Variants in ANXA3 observed in about 807,000 individuals in gnomAD.
The protein encoded by ANXA3 is annexin A3.
Under a neutral mutation model 48.8 loss-of-function variants are expected in ANXA3, and 46 were observed. The ratio of observed to expected loss-of-function variants is 0.94; its 90% CI spans 0.74 to 1.21. ANXA3 has a LOEUF of 1.21. Among genes scored for constraint, ANXA3 ranks in the 50% most tolerant of loss-of-function variants. The pLI, the probability that ANXA3 is intolerant of heterozygous loss-of-function variation, is 0.00. For synonymous variants in ANXA3, 128 were observed against 134.7 expected (o/e 0.95, Z 0.35); for missense variants, 383 against 378.6 (o/e 1.01, Z -0.10).
chr4:78,554,869 TA>T (rs749546940), intron 2 of ANXA3, among the ~76,000 whole-genome samples: 12 of 152,172 alleles, frequency 7.9e-5, no homozygotes, highest in African/African-American at 2.9e-4. Context: ...CTCCTTACAA[TA>T]AAATAACTTC....
chr4:78,592,266 G>A (rs1723313444), intron 7 of ANXA3, among the ~76,000 whole-genome samples: 1 of 152,200 alleles, frequency 6.6e-6, no homozygotes, highest in Non-Finnish European at 1.5e-5. Context: ...CTGTGTGTAA[G>A]AGAGAACGTG....
At chr4:78,555,353 C>T (rs1031143104) in intron 2 of ANXA3, among the ~76,000 whole-genome samples, 1 of 152,124 alleles carries the variant, frequency 6.6e-6, no homozygotes, top group Non-Finnish European at 1.5e-5. Flanking sequence ...ACTATGACAG[C>T]CAACAATCCC....
intron 2 of ANXA3, among the ~76,000 whole-genome samples, chr4:78,570,220 C>T (rs1257673063): frequency 6.6e-6 from 1 of 152,162 alleles, no homozygotes; most frequent in Non-Finnish European, 1.5e-5. Context: ...AGTTATTCCT[C>T]CCCCATTTAA....
intron 12 of ANXA3, 65 bp downstream of exon 12, chr4:78,604,464 T>A: frequency 1.5e-6 from 2 of 1,334,838 alleles, no homozygotes; most frequent in Non-Finnish European, 1.0e-6. Flanking sequence ...CTTACTCTTA[T>A]ATGCCTTAAA....
intron 7 of ANXA3, among the ~76,000 whole-genome samples, chr4:78,594,059 C>G (rs1723363837): frequency 6.6e-6 from 1 of 152,092 alleles, no homozygotes; most frequent in Non-Finnish European, 1.5e-5. Context: ...TCTGCCAGTT[C>G]ATACCTTCCT....
intron 2 of ANXA3, among the ~76,000 whole-genome samples, chr4:78,564,706 A>T (rs1293367210): frequency 6.6e-6 from 1 of 152,204 alleles, no homozygotes; most frequent in Non-Finnish European, 1.5e-5. Context: ...GCCAAAGAAG[A>T]TCTGTTAGAG....
intron 4 of ANXA3, among the ~76,000 whole-genome samples, chr4:78,580,757 T>C (rs1024705017): frequency 4.6e-5 from 7 of 152,246 alleles, no homozygotes; most frequent in Admixed American, 4.6e-4. Flanking sequence ...ATTTTATCTT[T>C]GAATATTTCT....
rs1051472186 is a variant in ANXA3 at position 78,551,775 on chromosome 4, G to C, written c.-123G>C. On this transcript the variant is annotated 5_prime_UTR_variant, in exon 1 of 13. Transcript: ENST00000264908. The stretch of plus-strand genomic sequence containing the variant: ...CGCGATCCGGACCCGGAGCCAGCGC[G>C]GAGCACCTGCGCCCGCGGCTGACAC... 6 of 152,320 alleles carry C rather than the reference G, an allele frequency of 3.9e-5. No individual in the cohort carries two copies. Among genetic ancestry groups the C allele is most frequent in the African/African-American group, 1.4e-4 (6 of 41,462 alleles). The allele number at this position is 152,320 out of a possible 1,614,324, so 9.4% of individuals were successfully genotyped here.
At chr4:78,594,832 C>T (rs2109945080) in intron 7 of ANXA3, among the ~76,000 whole-genome samples, 1 of 152,094 alleles carries the variant, frequency 6.6e-6, no homozygotes, top group Middle Eastern at 3.4e-3. Flanking sequence ...TCTTTTCTTC[C>T]ACATAAGACC....
At chr4:78,570,073 C>G (rs1666501926) in intron 2 of ANXA3, among the ~76,000 whole-genome samples, 1 of 152,198 alleles carries the variant, frequency 6.6e-6, no homozygotes, top group Non-Finnish European at 1.5e-5. Flanking sequence ...CCAAGTCTAT[C>G]AAATGAATAA....
intron 10 of ANXA3, among the ~76,000 whole-genome samples, chr4:78,600,599 C>T (rs1723515116): frequency 6.6e-6 from 1 of 152,152 alleles, no homozygotes; most frequent in Non-Finnish European, 1.5e-5. Context: ...ATACATTTCT[C>T]CTTCTATTTC....
chr4:78,575,308 G>GT lies in ANXA3; in HGVS notation c.103+2051dup, dbSNP rs112137547. Among the ~76,000 whole-genome samples, 265 of 148,440 alleles carry GT rather than the reference G, an allele frequency of 1.8e-3. 1 individual carries two copies. Among genetic ancestry groups the GT allele is most frequent in the African/African-American group, 3.8e-3 (154 of 40,540 alleles). ...TGAAAATATTTCCTATAAGTTTATG[G>GT]TTTTTTTTTTAACATTGGTGACATG... On this transcript the variant is annotated intron_variant, in intron 3 of 12. Coordinates refer to ENST00000264908, the MANE Select transcript of ANXA3 (RefSeq NM_005139.3).
intron 7 of ANXA3, among the ~76,000 whole-genome samples, chr4:78,594,215 T>G (rs1723366910): frequency 6.6e-6 from 1 of 152,226 alleles, no homozygotes; most frequent in Non-Finnish European, 1.5e-5. Flanking sequence ...CTCTATGTCT[T>G]TTCATGGCTT....
At chr4:78,600,687 A>T (rs1369397983) in intron 10 of ANXA3, among the ~76,000 whole-genome samples, 1 of 152,182 alleles carries the variant, frequency 6.6e-6, no homozygotes, top group African/African-American at 2.4e-5. Flanking sequence ...AAAGTCACTT[A>T]TTCTTGTTCT....
At chr4:78,577,836 T>C (rs1488347032) in intron 3 of ANXA3, among the ~76,000 whole-genome samples, 12 of 152,246 alleles carry the variant, frequency 7.9e-5, no homozygotes, top group Non-Finnish European at 1.0e-4. Context: ...GGTTGGGAAA[T>C]TAATTAGACA....
intron 2 of ANXA3, among the ~76,000 whole-genome samples, chr4:78,566,625 A>G (rs1227274439): frequency 2.0e-5 from 3 of 146,770 alleles, no homozygotes; most frequent in African/African-American, 7.5e-5. Flanking sequence ...GTACACATTG[A>G]TATAGAGAAC....
chr4:78,603,914 C>G (rs1319310546), intron 11 of ANXA3: 1 of 159,166 alleles, frequency 6.3e-6, no homozygotes, highest in African/African-American at 2.4e-5. Flanking sequence ...GTCACTTTCT[C>G]AGACTTTTCC....
intron 10 of ANXA3, among the ~76,000 whole-genome samples, chr4:78,599,231 A>G (rs1717036780): frequency 6.6e-6 from 1 of 152,214 alleles, no homozygotes; most frequent in Non-Finnish European, 1.5e-5. Flanking sequence ...ATCTAAGTTT[A>G]GGACGTTTTA....
At chr4:78,552,407 G>A (rs1424096955) in intron 1 of ANXA3, 2 of 152,146 alleles carry the variant, frequency 1.3e-5, no homozygotes, top group Non-Finnish European at 2.9e-5. Flanking sequence ...TTTTTAGAAG[G>A]TAGAAAACAG....
Sources: gnomAD v4.1 joint callset for allele counts (sites outside exome capture counted in the v4.1 genomes callset) on GRCh38, gnomAD v4.1.1 for gene constraint, MANE v1.5 for transcripts, NCBI Gene and HGNC (gene_info 2026-07-23, HGNC 2026-07-21) for gene names.